STX2: variants seen among roughly 807,000 people sequenced by gnomAD.
The protein encoded by STX2 is syntaxin-2.
In STX2, 27 loss-of-function variants were observed where a neutral mutation model predicts 40.6. The ratio of observed to expected loss-of-function variants is 0.66; its 90% CI spans 0.49 to 0.92. The LOEUF (loss-of-function observed/expected upper bound fraction) is 0.92. Ranked by LOEUF, STX2 falls within the 40% of genes least tolerant of loss-of-function variation. The pLI, the probability that STX2 is intolerant of heterozygous loss-of-function variation, is 0.00. For synonymous variants in STX2, 123 were observed against 119.1 expected, an observed-to-expected ratio of 1.03 and a Z score of -0.22; for missense variants, 328 against 366.1, an observed-to-expected ratio of 0.90 and a Z score of 0.85.
Position 130,813,089 on chromosome 12 carries a change from T to C in STX2, c.206-58A>G, listed in dbSNP as rs1310977234. 1.1e-5 allele frequency: 11 copies of C among 1,040,090 alleles called. No individual in the cohort carries two copies. The Middle Eastern group carries it at 1.0e-3, about 94-fold the overall frequency. The allele number at this position is 1,040,090 out of a possible 1,614,324, so 64.4% of individuals were successfully genotyped here. ...AGCATCTGAGCTATAATATCCAACA[T>C]AAATGATATCCAATAAATTTAAGTG... On this transcript the variant is annotated intron_variant, in intron 3 of 10. Transcript: ENST00000392373.
intron 6 of STX2, among the ~76,000 whole-genome samples, chr12:130,805,885 G>A (rs779794180): frequency 2.6e-5 from 4 of 152,134 alleles, no homozygotes; most frequent in Non-Finnish European, 4.4e-5. Flanking sequence ...CAGAAAGGAA[G>A]GAAATCAACC....
intron 8 of STX2, 28 bp downstream of exon 8, chr12:130,801,125 C>T (rs1325508173): frequency 6.3e-7 from 1 of 1,593,164 alleles, no homozygotes; most frequent in Non-Finnish European, 8.6e-7. Flanking sequence ...TGATATCTCT[C>T]TTGGAGAATG....
chr12:130,810,040 C>A (rs1040086912), intron 4 of STX2, among the ~76,000 whole-genome samples: 4 of 151,994 alleles, frequency 2.6e-5, no homozygotes, highest in African/African-American at 4.8e-5. Flanking sequence ...ACAACAACAA[C>A]AAAAAGTAAT....
intron 1 of STX2, among the ~76,000 whole-genome samples, chr12:130,828,391 C>CTTTTTTTTTTTTTTT (rs35993256): frequency 2.8e-5 from 3 of 106,526 alleles, no homozygotes; most frequent in East Asian, 3.0e-4. Flanking sequence ...CCACACCCGG[C>CTTTTTTTTTTTTTTT]TTTTTTTTTT....
In STX2 at chr12:130,821,794, A is replaced by C. The variant is rs1952126234; in HGVS notation, c.106-6T>G. 1 of 1,432,752 alleles carries C rather than the reference A, an allele frequency of 7.0e-7. No individual in the cohort carries two copies. The highest frequency in any genetic ancestry group is 9.7e-7 in the Non-Finnish European group (1 of 1,036,228). The allele number at this position is 1,432,752 out of a possible 1,614,324, so 88.8% of individuals were successfully genotyped here. On this transcript the variant is annotated splice_polypyrimidine_tract_variant and splice_region_variant and intron_variant, in intron 2 of 10. Coordinates refer to ENST00000392373, the MANE Select transcript of STX2 (RefSeq NM_194356.4). ...CTGTTTCTAATCTCCTCCACCTAGGAGAGAGAGAGAGTCATTACAGCATGG... is the reference window on the plus strand; with the variant it reads ...CTGTTTCTAATCTCCTCCACCTAGGCGAGAGAGAGAGTCATTACAGCATGG...
chr12:130,838,677 T>G lies in STX2; in HGVS notation c.30+393A>C, dbSNP rs151166056. The stretch of plus-strand genomic sequence containing the variant: ...GGGACCCCGTGGGGCGGACCACAGT[T>G]AGGCCAGTGGGCTCCGGCTGGGTAA... On this transcript the variant is annotated intron_variant, in intron 1 of 10. Transcript: ENST00000392373. Among the ~76,000 whole-genome samples the G allele has an allele frequency of 2.0e-5, 3 of 152,176 alleles. No individual in the cohort carries two copies. The East Asian group carries it at 5.8e-4, about 29-fold the overall frequency.
chr12:130,802,466 C>T (rs6486599), intron 6 of STX2, among the ~76,000 whole-genome samples: 63,582 of 151,878 alleles, frequency 0.42, 15,019 homozygotes, highest in African/African-American at 0.64. Flanking sequence ...CCAAAGTGCT[C>T]GGATTGCAGG....
At chr12:130,811,413 G>A (rs1295631389) in intron 4 of STX2, among the ~76,000 whole-genome samples, 1 of 150,950 alleles carries the variant, frequency 6.6e-6, no homozygotes, top group Admixed American at 6.6e-5. Context: ...ATGAATTATG[G>A]ATCTTGGAAA....
intron 3 of STX2, among the ~76,000 whole-genome samples, chr12:130,814,740 G>A (rs991406494): frequency 3.5e-5 from 5 of 144,882 alleles, no homozygotes; most frequent in East Asian, 2.1e-4. Context: ...GGGTTCAAGC[G>A]ATTCTCCTGC....
chr12:130,807,710 C>G (rs1301338827), intron 5 of STX2, among the ~76,000 whole-genome samples: 1 of 152,240 alleles, frequency 6.6e-6, no homozygotes, highest in East Asian at 1.9e-4. Context: ...ATTCCCTACT[C>G]TTTGGAATAG....
chr12:130,805,856 A>G (rs1951411664), intron 6 of STX2, among the ~76,000 whole-genome samples: 1 of 152,254 alleles, frequency 6.6e-6, no homozygotes, highest in South Asian at 2.1e-4. Context: ...CTCGCAAAGA[A>G]GCAGGAAAAC....
chr12:130,797,665 A>G (rs1190316966), intron 9 of STX2, among the ~76,000 whole-genome samples: 7 of 152,222 alleles, frequency 4.6e-5, no homozygotes, highest in Non-Finnish European at 1.0e-4. Flanking sequence ...TGAAAAACCC[A>G]TAATCTCTCC....
At chr12:130,798,427 T>C (rs562591553) in intron 9 of STX2, 98 bp downstream of exon 9, 1 of 682,786 alleles carries the variant, frequency 1.5e-6, no homozygotes, top group East Asian at 3.2e-5. Context: ...AATTAATTAT[T>C]TCTTGGAATA....
At chr12:130,823,536 G>A (rs1952193227) in intron 2 of STX2, among the ~76,000 whole-genome samples, 1 of 152,206 alleles carries the variant, frequency 6.6e-6, no homozygotes, top group Admixed American at 6.5e-5. Context: ...AACGTTGGAA[G>A]AAGGACACTT....
chr12:130,792,471 C>G lies in STX2; in HGVS notation c.*46-494G>C, dbSNP rs191869366. On this transcript the variant is annotated intron_variant, in intron 10 of 10. Transcript: ENST00000392373. The stretch of plus-strand genomic sequence containing the variant: ...TGTTGGCTGAAAAATCCTATTTTTT[C>G]TTTCTTTTCTGAAAGGAGGTGTCAC... Among the ~76,000 whole-genome samples, 701 of 152,150 alleles carry G rather than the reference C, an allele frequency of 4.6e-3. 1 individual carries two copies. The highest frequency in any genetic ancestry group is 7.3e-3 in the Non-Finnish European group (498 of 67,972).
intron 3 of STX2, among the ~76,000 whole-genome samples, chr12:130,814,911 A>G (rs1006980875): frequency 6.6e-6 from 1 of 152,132 alleles, no homozygotes; most frequent in Non-Finnish European, 1.5e-5. Flanking sequence ...CTGGGATTAC[A>G]GGCGTGAGCC....
At chr12:130,793,456 G>A (rs1007162663) in intron 10 of STX2, among the ~76,000 whole-genome samples, 1 of 152,120 alleles carries the variant, frequency 6.6e-6, no homozygotes, top group Admixed American at 6.5e-5. Context: ...TCAGCTCCAC[G>A]CAGCGTGCTC....
At chr12:130,824,329 G>A (rs1317776376) in intron 2 of STX2, among the ~76,000 whole-genome samples, 2 of 152,182 alleles carry the variant, frequency 1.3e-5, no homozygotes, top group Non-Finnish European at 2.9e-5. Flanking sequence ...AGGCTGCAGT[G>A]AGCCAAGATC....
chr12:130,823,015 A>G (rs777341405), intron 2 of STX2, among the ~76,000 whole-genome samples: 44 of 152,274 alleles, frequency 2.9e-4, no homozygotes, highest in Non-Finnish European at 4.6e-4. Flanking sequence ...TAAAATAGTA[A>G]TTATAGGCCA....
Sources: gnomAD v4.1 joint callset for allele counts (sites outside exome capture counted in the v4.1 genomes callset) on GRCh38, gnomAD v4.1.1 for gene constraint, MANE v1.5 for transcripts, NCBI Gene and HGNC (gene_info 2026-07-23, HGNC 2026-07-21) for gene names.